The following TSNARE1 variants were observed in gnomAD, a reference collection of about 807,000 sequenced individuals.
The protein encoded by TSNARE1 is t-SNARE domain containing 1.
In TSNARE1, 49 loss-of-function variants were observed where a neutral mutation model predicts 62.0. That is an observed-to-expected ratio of 0.79 (90% confidence interval 0.63 to 1.00). TSNARE1 has a LOEUF of 1.00. Among genes scored for constraint, TSNARE1 ranks in the 50% least tolerant of loss-of-function variants. TSNARE1 has a pLI of 0.00. For missense variants in TSNARE1, 755 were observed against 700.1 expected, an observed-to-expected ratio of 1.08 and a Z score of -0.88; for synonymous variants, 328 against 294.4, an observed-to-expected ratio of 1.11 and a Z score of -1.17.
At chr8:142,309,526 T>C (rs1827244825) in intron 9 of TSNARE1, among the ~76,000 whole-genome samples, 2 of 152,212 alleles carry the variant, frequency 1.3e-5, no homozygotes, top group African/African-American at 2.4e-5. Context: ...TGTACACATT[T>C]CCTCACTTAT....
chr8:142,403,220 C>G (rs1336472920), upstream of TSNARE1: 1 of 150,760 alleles, frequency 6.6e-6, no homozygotes, highest in Non-Finnish European at 1.5e-5. Context: ...CGCCCCCTCC[C>G]GCACCAGCCA....
Position 142,341,519 on chromosome 8 carries a change from C to T in TSNARE1, c.745+2447G>A, listed in dbSNP as rs540177140. 2.8e-4 allele frequency among the ~76,000 whole-genome samples: 42 copies of T among 152,304 alleles called. 1 individual carries two copies. In the South Asian group the frequency reaches 6.2e-3, roughly 23 times the overall value. On this transcript the variant is annotated intron_variant, in intron 4 of 13. Coordinates refer to ENST00000524325, the MANE Select transcript of TSNARE1 (RefSeq NM_145003.5). ...CGGGGCCTGACCCCAGCCTCCAACC[C>T]GAAGCAGAGTGCGCACCTGGGGCGC...
At chr8:142,230,820 C>A (rs1318632300) in intron 12 of TSNARE1, among the ~76,000 whole-genome samples, 1 of 152,026 alleles carries the variant, frequency 6.6e-6, no homozygotes, top group Non-Finnish European at 1.5e-5. Context: ...ACTCATCCAT[C>A]CATCCACCCA....
chr8:142,354,540 G>C (rs1342560196), intron 2 of TSNARE1, 97 bp downstream of exon 2: 3 of 839,390 alleles, frequency 3.6e-6, no homozygotes, highest in Non-Finnish European at 5.6e-6. Flanking sequence ...CAAAAGAACA[G>C]AACTGGTTTC....
At chr8:142,343,797 GGGAGGAGGA>G (rs1191561278) in intron 4 of TSNARE1, among the ~76,000 whole-genome samples, 160 bp downstream of exon 4, 2 of 80,810 alleles carry the variant, frequency 2.5e-5, no homozygotes, top group Non-Finnish European at 4.3e-5. Flanking sequence ...GAGGAGGAGG[GGGAGGAGGA>G]GGAGGAGGGG....
At chr8:142,229,348 G>A in intron 13 of TSNARE1, 125 bp downstream of exon 13, 4 of 768,472 alleles carry the variant, frequency 5.2e-6, no homozygotes, top group Non-Finnish European at 9.0e-6. Flanking sequence ...CGGTAGACAG[G>A]TGGATAAATG....
At chr8:142,253,731 G>A (rs931659934) in intron 12 of TSNARE1, among the ~76,000 whole-genome samples, 3 of 152,234 alleles carry the variant, frequency 2.0e-5, no homozygotes, top group African/African-American at 7.2e-5. Context: ...TCATCCCCAA[G>A]TGGCAATGGT....
chr8:142,292,835 A>G (rs1824028945), intron 10 of TSNARE1, among the ~76,000 whole-genome samples: 1 of 152,016 alleles, frequency 6.6e-6, no homozygotes, highest in African/African-American at 2.4e-5. Flanking sequence ...TCCCAGACCA[A>G]CGCGGGCAGA....
intron 1 of TSNARE1, among the ~76,000 whole-genome samples, chr8:142,358,486 G>A (rs928771650): frequency 6.6e-6 from 1 of 151,710 alleles, no homozygotes; most frequent in African/African-American, 2.4e-5. Context: ...CCTCTGCTCC[G>A]GCCAGGCACA....
intron 11 of TSNARE1, chr8:142,276,288 G>A (rs1820476836): frequency 1.0e-6 from 1 of 985,324 alleles, no homozygotes; most frequent in Non-Finnish European, 1.2e-6. Context: ...TGCTCTCTAT[G>A]TCCTGCCACA....
In TSNARE1 at chr8:142,285,508, G is replaced by A. The variant is rs147422283; in HGVS notation, c.1291-1023C>T. Among the ~76,000 whole-genome samples the A allele has an allele frequency of 4.4e-3, 667 of 150,466 alleles. 1 individual carries two copies. The highest frequency in any genetic ancestry group is 7.0e-3 in the Non-Finnish European group (472 of 67,572). On this transcript the variant is annotated intron_variant, in intron 10 of 13. Coordinates refer to ENST00000524325, the MANE Select transcript of TSNARE1 (RefSeq NM_145003.5). ...AGATGGGTGGATAGGTGGGTGGGTG[G>A]GTAGATGATGGATGGATGGATGAGG...
At chr8:142,382,624 G>A (rs1456974760) in intron 1 of TSNARE1, among the ~76,000 whole-genome samples, 2 of 152,190 alleles carry the variant, frequency 1.3e-5, no homozygotes, top group African/African-American at 2.4e-5. Flanking sequence ...GCCAGGAGAA[G>A]CAGAGCCACC....
chr8:142,395,427 G>A (rs941272702), intron 1 of TSNARE1, among the ~76,000 whole-genome samples: 6 of 152,122 alleles, frequency 3.9e-5, no homozygotes, highest in African/African-American at 1.4e-4. Context: ...CCAGGCAGAG[G>A]GGCGGCCCCA....
In TSNARE1 at chr8:142,331,794, G is replaced by C. The variant is rs924387467; in HGVS notation, c.783C>G (p.Phe261Leu). Residue 261 changes from phenylalanine to leucine, a missense_variant, in exon 5 of 14, where the codon TTC (phenylalanine) becomes TTG (leucine). Coordinates refer to ENST00000524325, the MANE Select transcript of TSNARE1 (RefSeq NM_145003.5). Reference sequence around the variant, plus strand: ...GGAAGACGTTGGCCGACATCTCCTGGAACAGCTCCTGGAGGTTGCACGGAT... The same window carrying C: ...GGAAGACGTTGGCCGACATCTCCTGCAACAGCTCCTGGAGGTTGCACGGAT... The part of the protein sequence containing the change: ...QVDPCNLQEL[F>L]QEMSANVFRI... 1 of 1,608,474 alleles carries C rather than the reference G, an allele frequency of 6.2e-7. No individual in the cohort carries two copies. Among genetic ancestry groups the C allele is most frequent in the Non-Finnish European group, 8.5e-7 (1 of 1,177,602 alleles).
At chr8:142,232,017 G>T (rs538468915) in intron 12 of TSNARE1, among the ~76,000 whole-genome samples, 4 of 152,344 alleles carry the variant, frequency 2.6e-5, no homozygotes, top group Non-Finnish European at 5.9e-5. Context: ...GGGAGCAAAG[G>T]GCATGGAAAA....
At chr8:142,315,794 G>A (rs1019718829) in intron 7 of TSNARE1, among the ~76,000 whole-genome samples, 5 of 152,232 alleles carry the variant, frequency 3.3e-5, no homozygotes, top group African/African-American at 1.2e-4. Context: ...GAGAGCCAAG[G>A]CTAAGGCGGG....
At chr8:142,311,289 A>AGTTT (rs1827544576) in intron 9 of TSNARE1, among the ~76,000 whole-genome samples, 1 of 68,798 alleles carries the variant, frequency 1.5e-5, no homozygotes, top group Non-Finnish European at 2.6e-5. Context: ...CAGCCTCTCT[A>AGTTT]GTTTTTTTTT....
intron 9 of TSNARE1, among the ~76,000 whole-genome samples, chr8:142,304,756 C>T (rs1317206818): frequency 1.3e-5 from 2 of 152,328 alleles, no homozygotes; most frequent in Admixed American, 1.3e-4. Flanking sequence ...TGCCACCTTC[C>T]GGACTCAGGT....
At chr8:142,339,908 T>TGGCAACAGTCCTGCAGCATGCA (rs1251740514) in intron 4 of TSNARE1, among the ~76,000 whole-genome samples, 1 of 152,242 alleles carries the variant, frequency 6.6e-6, no homozygotes, top group Admixed American at 6.5e-5. Flanking sequence ...CCAACACACA[T>TGGCAACAGTCCTGCAGCATGCA]GGCAACAGTC....
Sources: gnomAD v4.1 joint callset for allele counts (sites outside exome capture counted in the v4.1 genomes callset) on GRCh38, gnomAD v4.1.1 for gene constraint, MANE v1.5 for transcripts, NCBI Gene and HGNC (gene_info 2026-07-23, HGNC 2026-07-21) for gene names.